Variants in EPHA4 observed in about 807,000 individuals in gnomAD.
EPHA4 encodes EPH receptor A4.
EPHA4 carries 19 observed loss-of-function variants against 108.3 expected under a neutral mutation model. That is an observed-to-expected ratio of 0.18 (90% CI 0.12 to 0.26). The LOEUF (loss-of-function observed/expected upper bound fraction) is 0.26, where lower values mean the gene tolerates loss of function less well. EPHA4 is among the 10% of genes least tolerant of loss of function. The pLI is 1.00. For synonymous variants in EPHA4, 449 were observed against 455.5 expected (o/e 0.99, Z 0.18); for missense variants, 917 against 1,254.0 (o/e 0.73, Z 4.06).
At chr2:221,567,715 A>G (rs1253227367) in intron 2 of EPHA4, among the ~76,000 whole-genome samples, 2 of 152,182 alleles carry the variant, frequency 1.3e-5, no homozygotes, top group Non-Finnish European at 2.9e-5. Context: ...AGACTCTATG[A>G]ATCTTTAATT....
At chr2:221,514,995 C>G (rs570317331) in intron 3 of EPHA4, among the ~76,000 whole-genome samples, 127 of 152,298 alleles carry the variant, frequency 8.3e-4, no homozygotes, top group African/African-American at 2.8e-3. Flanking sequence ...AAATCTTACT[C>G]ATCCCAAGCA....
At chr2:221,461,993 T>TTC (rs1051852381) in intron 5 of EPHA4, among the ~76,000 whole-genome samples, 6 of 150,998 alleles carry the variant, frequency 4.0e-5, no homozygotes, top group Non-Finnish European at 8.9e-5. Flanking sequence ...TTCTTTTTTT[T>TTC]TTTTTTTTAC....
intron 5 of EPHA4, among the ~76,000 whole-genome samples, chr2:221,473,818 G>T (rs1473767739): frequency 1.3e-5 from 2 of 152,050 alleles, no homozygotes; most frequent in Non-Finnish European, 2.9e-5. Flanking sequence ...TCTCTTGATG[G>T]CTTCTCCAGA....
rs1431328286 is a variant in EPHA4, at chr2:221,482,555, C to A, written c.1115G>T (p.Gly372Val). ...ACAGGGTCGGCACTTGCTGGGGTCA[C>A]CAGCTCCACATTTCTTGCATACCAC... ...YNVVCKKCGA[G>V]DPSKCRPCGS... The change falls in exon 5 of 18, where the codon GGT becomes GTT. Residue 372 changes from glycine (G) to valine (V), a missense_variant. By Grantham distance (109) the Gly-to-Val change is moderately radical. Coordinates refer to ENST00000281821, the MANE Select transcript of EPHA4 (RefSeq NM_004438.5). 1 of 1,614,074 alleles carries A rather than the reference C, an allele frequency of 6.2e-7. No homozygotes were observed. Among genetic ancestry groups the A allele is most frequent in the East Asian group, 2.2e-5 (1 of 44,850 alleles).
intron 3 of EPHA4, among the ~76,000 whole-genome samples, chr2:221,503,102 C>T (rs1026944667): frequency 6.6e-6 from 1 of 152,198 alleles, no homozygotes; most frequent in Non-Finnish European, 1.5e-5. Flanking sequence ...AGCCTCTGAA[C>T]AGGAACACAA....
In EPHA4 at chr2:221,419,420, A is replaced by T. The variant is rs943993514; in HGVS notation, c.*1952T>A. 1.3e-5 allele frequency: 2 copies of T among 152,640 alleles called. No individual in the cohort carries two copies. The highest frequency in any genetic ancestry group is 2.9e-5 in the Non-Finnish European group (2 of 68,034). 9.5% of individuals were successfully genotyped at this position (152,640 alleles called of 1,614,324 possible). A position where few individuals can be genotyped will look rare whatever the true frequency, so the allele number is the denominator to read the frequency against. ...ACAAAGTATTAATCCAGGACACACC[A>T]TCTCAAAGCTGACACACATATCTAC... On this transcript the variant is annotated 3_prime_UTR_variant, in exon 18 of 18. Coordinates refer to ENST00000281821, the MANE Select transcript of EPHA4 (RefSeq NM_004438.5).
intron 3 of EPHA4, among the ~76,000 whole-genome samples, chr2:221,504,695 A>G (rs1196230978): frequency 6.6e-6 from 1 of 152,134 alleles, no homozygotes; most frequent in African/African-American, 2.4e-5. Flanking sequence ...AATAAATATC[A>G]AGTATTCATT....
intron 3 of EPHA4, among the ~76,000 whole-genome samples, chr2:221,536,985 C>T (rs1234742823): frequency 2.0e-5 from 3 of 152,306 alleles, no homozygotes; most frequent in South Asian, 2.1e-4. Flanking sequence ...GCGACCTTAA[C>T]ATAAATTATT....
At chr2:221,484,761 G>C (rs1691933116) in intron 4 of EPHA4, among the ~76,000 whole-genome samples, 2 of 152,168 alleles carry the variant, frequency 1.3e-5, no homozygotes, top group South Asian at 4.1e-4. Context: ...TAATAATACT[G>C]AAAGTTCATG....
chr2:221,434,965 C>CT (rs35831626), intron 13 of EPHA4, among the ~76,000 whole-genome samples: 11 of 151,976 alleles, frequency 7.2e-5, no homozygotes, highest in Non-Finnish European at 1.2e-4. Context: ...GCAAAACACA[C>CT]TTTTTTTTCT....
Position 221,419,110 on chromosome 2 carries a change from T to G in EPHA4, c.*2262A>C, listed in dbSNP as rs114862514. The G allele has an allele frequency of 5.9e-5, 9 of 152,640 alleles. No individual in the cohort carries two copies. The East Asian group carries it at 7.7e-4, about 13-fold the overall frequency. The allele number at this position is 152,640 out of a possible 1,614,324, so 9.5% of individuals were successfully genotyped here. A position where few individuals can be genotyped will look rare whatever the true frequency, so the allele number is the denominator to read the frequency against. On this transcript the variant is annotated 3_prime_UTR_variant, in exon 18 of 18. Coordinates refer to ENST00000281821, the MANE Select transcript of EPHA4 (RefSeq NM_004438.5). ...AGCTTATATAAATGGCCACGGTTTC[T>G]GCAACCACAGCTTAGGATAAGCAAG...
chr2:221,544,699 A>T (rs1693937137), intron 3 of EPHA4, among the ~76,000 whole-genome samples: 1 of 152,186 alleles, frequency 6.6e-6, no homozygotes, highest in South Asian at 2.1e-4. Context: ...CCCCCCTCCA[A>T]AATGTATATG....
At chr2:221,464,087 G>A (rs1364475448) in intron 5 of EPHA4, among the ~76,000 whole-genome samples, 4 of 152,152 alleles carry the variant, frequency 2.6e-5, no homozygotes, top group African/African-American at 9.7e-5. Context: ...TGAAGCCATG[G>A]ATGTCAGTGG....
intron 1 of EPHA4, among the ~76,000 whole-genome samples, chr2:221,570,481 G>C (rs932186938): frequency 1.3e-5 from 2 of 152,154 alleles, no homozygotes; most frequent in Non-Finnish European, 2.9e-5. Flanking sequence ...AGGGACCGAG[G>C]GGCGGCGACG....
Position 221,571,880 on chromosome 2 carries a change from C to T in EPHA4, c.91+278G>A, listed in dbSNP as rs1438515611. Reference sequence around the variant, plus strand: ...TCCCGTGCATCCCCTCAGGGCGCCTCGAGCGGGCCTCTCTGGCGGATGCTG... The same window carrying T: ...TCCCGTGCATCCCCTCAGGGCGCCTTGAGCGGGCCTCTCTGGCGGATGCTG... On this transcript the variant is annotated intron_variant, in intron 1 of 17. Coordinates refer to ENST00000281821, the MANE Select transcript of EPHA4 (RefSeq NM_004438.5). The surrounding 1 kb of genome is among the most constrained non-coding windows in gnomAD (Gnocchi z 6.3). Among the ~76,000 whole-genome samples, 1 of 152,170 alleles carries T rather than the reference C, an allele frequency of 6.6e-6. No homozygotes were observed. The highest frequency in any genetic ancestry group is 2.4e-5 in the African/African-American group (1 of 41,444).
chr2:221,563,641 A>G, intron 3 of EPHA4, 90 bp downstream of exon 3: 1 of 1,462,400 alleles, frequency 6.8e-7, no homozygotes, highest in Non-Finnish European at 9.3e-7. Context: ...AGGGGCTACT[A>G]ATTACTGGCT....
At chr2:221,555,128 A>C (rs921763037) in intron 3 of EPHA4, among the ~76,000 whole-genome samples, 28 of 152,150 alleles carry the variant, frequency 1.8e-4, no homozygotes, top group African/African-American at 6.5e-4. Flanking sequence ...GTTATTTTGC[A>C]TGGGGCAGGG....
chr2:221,476,883 TCTTTA>T (rs907463397), intron 5 of EPHA4, among the ~76,000 whole-genome samples: 2 of 152,140 alleles, frequency 1.3e-5, no homozygotes, highest in Non-Finnish European at 2.9e-5. Flanking sequence ...TTATTTCTTT[TCTTTA>T]TTCATTATTT....
At position 221,423,853 on chromosome 2, in the gene EPHA4, C is replaced by G. The variant is rs112823872; in HGVS notation, c.*819+1356G>C. 3.4e-3 allele frequency among the ~76,000 whole-genome samples: 510 copies of G among 152,054 alleles called. 3 individuals are homozygous for G. The highest frequency in any genetic ancestry group is 0.012 in the African/African-American group (491 of 41,488). ...AATGCCACCTGGGCGCAGTGACCGA[C>G]GCCTGTAATCCCAACACTTTGGGAG... On this transcript the variant is annotated intron_variant, in intron 17 of 17. Coordinates refer to ENST00000281821, the MANE Select transcript of EPHA4 (RefSeq NM_004438.5).
Sources: allele counts gnomAD v4.1 joint callset (sites outside exome capture counted in the v4.1 genomes callset), GRCh38; gene constraint gnomAD v4.1.1; non-coding constraint Gnocchi (gnomAD v3.1); transcripts MANE v1.5; gene names NCBI Gene and HGNC (gene_info 2026-07-23, HGNC 2026-07-21).